The following CADM2 variants were observed in gnomAD, a reference collection of about 807,000 sequenced individuals.
CADM2 encodes immunoglobulin superfamily member 4D.
A neutral mutation model predicts 49.8 loss-of-function variants in CADM2; 12 were observed. That is an observed-to-expected ratio of 0.24 (90% confidence interval 0.15 to 0.39). The LOEUF is 0.39. Among genes scored for constraint, CADM2 ranks in the 10% least tolerant of loss-of-function variants. The pLI, the probability that CADM2 is intolerant of heterozygous loss-of-function variation, is 1.00. For synonymous variants in CADM2, 214 were observed against 175.4 expected (o/e 1.22, Z -1.74); for missense variants, 378 against 492.3 (o/e 0.77, Z 2.20).
chr3:85,416,753 A>G (rs1158041053), intron 1 of CADM2, among the ~76,000 whole-genome samples: 1 of 152,168 alleles, frequency 6.6e-6, no homozygotes, highest in East Asian at 1.9e-4. Flanking sequence ...TTATAAGTCT[A>G]TATGTATACA....
At chr3:85,627,033 A>G (rs1180640426) in intron 1 of CADM2, among the ~76,000 whole-genome samples, 1 of 152,138 alleles carries the variant, frequency 6.6e-6, no homozygotes, top group Non-Finnish European at 1.5e-5. Context: ...CATTAGCATT[A>G]GTAAGAGGCT....
chr3:85,336,516 G>A (rs1287822727), intron 1 of CADM2, among the ~76,000 whole-genome samples: 1 of 151,216 alleles, frequency 6.6e-6, no homozygotes, highest in East Asian at 1.9e-4. Context: ...TTCATAAAGG[G>A]TGATTCAAAA....
chr3:85,182,145 G>A (rs770051463), intron 1 of CADM2, among the ~76,000 whole-genome samples: 3 of 151,870 alleles, frequency 2.0e-5, no homozygotes, highest in Admixed American at 6.6e-5. Flanking sequence ...ATAACTTCAA[G>A]TATCCTCCTT....
At chr3:85,090,428 T>C (rs1387369141) in intron 1 of CADM2, among the ~76,000 whole-genome samples, 2 of 152,204 alleles carry the variant, frequency 1.3e-5, no homozygotes, top group South Asian at 2.1e-4. Context: ...TTTGTTTTCA[T>C]TTTTGCTTTA....
At chr3:85,544,889 G>A (rs1304024273) in intron 1 of CADM2, among the ~76,000 whole-genome samples, 1 of 152,010 alleles carries the variant, frequency 6.6e-6, no homozygotes, top group Non-Finnish European at 1.5e-5. Context: ...GAGGAGAAAG[G>A]AAGAGAAAAA....
intron 1 of CADM2, among the ~76,000 whole-genome samples, chr3:85,076,046 T>G (rs1033217416): frequency 2.0e-5 from 3 of 151,686 alleles, no homozygotes; most frequent in African/African-American, 7.3e-5. Flanking sequence ...GAAGAAAATG[T>G]TCCAGATTCT....
chr3:85,059,164 G>A (rs1005281396), intron 1 of CADM2, among the ~76,000 whole-genome samples: 7 of 151,714 alleles, frequency 4.6e-5, no homozygotes, highest in Non-Finnish European at 1.0e-4. Context: ...GCGTGAACCC[G>A]GGAGGTGGAG....
At position 85,694,543 on chromosome 3, in the gene CADM2, C is replaced by T. The variant is rs114688336; in HGVS notation, c.62-31979C>T. ...GTGTGTGGTATTTTGCTATGGCAGC[C>T]CCAGATGGCTGATACAGTGTATATA... is the stretch of plus-strand genomic sequence containing the variant. On this transcript the variant is annotated intron_variant, in intron 1 of 9. Transcript: ENST00000383699. 4.0e-3 allele frequency among the ~76,000 whole-genome samples: 612 copies of T among 152,186 alleles called. 3 individuals carry two copies. The highest frequency in any genetic ancestry group is 0.014 in the African/African-American group (591 of 41,510).
chr3:85,242,075 T>A (rs543671963), intron 1 of CADM2, among the ~76,000 whole-genome samples: 39 of 150,882 alleles, frequency 2.6e-4, no homozygotes, highest in African/African-American at 5.8e-4. Flanking sequence ...GTTTTTTTTT[T>A]TATATATATA....
intron 8 of CADM2, chr3:86,012,986 A>AAAACAG: frequency 1.1e-6 from 1 of 883,270 alleles, no homozygotes; most frequent in African/African-American, 1.6e-5. Flanking sequence ...AACAAAAACA[A>AAAACAG]AAACCTGATC....
At chr3:85,945,940 A>G (rs1722630139) in intron 7 of CADM2, among the ~76,000 whole-genome samples, 1 of 152,128 alleles carries the variant, frequency 6.6e-6, no homozygotes, top group Admixed American at 6.6e-5. Flanking sequence ...GCAATCAGGC[A>G]GGAGAAAGAA....
At chr3:85,003,865 T>C (rs979620103) in intron 1 of CADM2, among the ~76,000 whole-genome samples, 2 of 152,168 alleles carry the variant, frequency 1.3e-5, no homozygotes, top group Non-Finnish European at 1.5e-5. Context: ...AAATAGATGG[T>C]TTAATTTGCC....
intron 2 of CADM2, among the ~76,000 whole-genome samples, chr3:85,729,839 G>A (rs1346438741): frequency 6.6e-6 from 1 of 152,100 alleles, no homozygotes; most frequent in East Asian, 1.9e-4. Context: ...TTTTTTCATT[G>A]ACTTTGTTAC....
chr3:85,651,701 A>G (rs2065045872), intron 1 of CADM2, among the ~76,000 whole-genome samples: 1 of 152,124 alleles, frequency 6.6e-6, no homozygotes, highest in South Asian at 2.1e-4. Context: ...CTAATGTAGG[A>G]TATGTTTCCC....
intron 3 of CADM2, among the ~76,000 whole-genome samples, chr3:85,833,463 G>A (rs886780023): frequency 6.6e-6 from 1 of 151,574 alleles, no homozygotes; most frequent in African/African-American, 2.4e-5. Context: ...CTGATCCAGG[G>A]CTCTTTTTGG....
chr3:85,961,581 A>T lies in CADM2; in HGVS notation c.904A>T (p.Thr302Ser). The T allele has an allele frequency of 6.2e-7, 1 of 1,609,576 alleles. No individual in the cohort carries two copies. Among genetic ancestry groups the T allele is most frequent in the East Asian group, 2.2e-5 (1 of 44,760 alleles). ...TTTCCTGAACAAAACGGATAATGGT[A>T]CATATCGATGTGAAGCCACAAACAC... ...ILFLNKTDNG[T>S]YRCEATNTIG... Residue 302 changes from threonine to serine, a missense_variant, in exon 8 of 10, where the codon ACA (threonine) becomes TCA (serine). Transcript: ENST00000383699.
intron 8 of CADM2, among the ~76,000 whole-genome samples, chr3:85,983,409 T>G (rs2108676873): frequency 6.6e-6 from 1 of 151,826 alleles, no homozygotes; most frequent in Middle Eastern, 3.4e-3. Flanking sequence ...GAGTTTCAGT[T>G]ATTTTGTTTA....
At chr3:85,989,373 A>C (rs1728486697) in intron 8 of CADM2, among the ~76,000 whole-genome samples, 1 of 152,206 alleles carries the variant, frequency 6.6e-6, no homozygotes, top group African/African-American at 2.4e-5. Context: ...TAAAAGGAGC[A>C]GCAGTCAAGC....
chr3:85,381,285 G>C, intron 1 of CADM2, among the ~76,000 whole-genome samples: 1 of 146,626 alleles, frequency 6.8e-6, no homozygotes, highest in South Asian at 2.1e-4. Context: ...TTTTCTGCTG[G>C]TTAGGCATTA....
Sources: gnomAD v4.1 joint callset for allele counts (sites outside exome capture counted in the v4.1 genomes callset) on GRCh38, gnomAD v4.1.1 for gene constraint, MANE v1.5 for transcripts, NCBI Gene and HGNC (gene_info 2026-07-23, HGNC 2026-07-21) for gene names.